Variants in SND1 observed in about 807,000 individuals in gnomAD.
SND1 encodes staphylococcal nuclease domain-containing protein 1.
In SND1, 38 loss-of-function variants were observed where a neutral mutation model predicts 121.7. That is an observed-to-expected ratio of 0.31 (90% CI 0.24 to 0.41). SND1 has a LOEUF of 0.41. Among genes scored for constraint, SND1 ranks in the 10% least tolerant of loss-of-function variants. The pLI, the probability that SND1 is intolerant of heterozygous loss-of-function variation, is 1.00. For missense variants in SND1, 868 were observed against 1,184.6 expected (o/e 0.73, Z 3.92); for synonymous variants, 401 against 447.4 (o/e 0.90, Z 1.31).
intron 1 of SND1, among the ~76,000 whole-genome samples, chr7:127,658,183 C>T (rs1289929342): frequency 1.3e-5 from 2 of 152,010 alleles, no homozygotes; most frequent in African/African-American, 2.4e-5. Flanking sequence ...GGCATGGTGG[C>T]GCGCGCCTGT....
At chr7:128,040,194 C>G (rs10236941) in intron 16 of SND1, among the ~76,000 whole-genome samples, 23 of 152,036 alleles carry the variant, frequency 1.5e-4, no homozygotes, top group Non-Finnish European at 1.6e-4. Context: ...CAGTGACTTT[C>G]TTTTCCTTTT....
Position 127,654,273 on chromosome 7 carries a change from C to T in SND1, c.78+1822C>T, listed in dbSNP as rs138663360. Among the ~76,000 whole-genome samples, 394 of 152,308 alleles carry T rather than the reference C, an allele frequency of 2.6e-3. 4 individuals are homozygous for T. The highest frequency in any genetic ancestry group is 9.3e-3 in the African/African-American group (385 of 41,562). On this transcript the variant is annotated intron_variant, in intron 1 of 23. Coordinates refer to ENST00000354725, the MANE Select transcript of SND1 (RefSeq NM_014390.4). The stretch of plus-strand genomic sequence containing the variant: ...CATGTCTTGTGCTGACTATTCTGCT[C>T]ATATTGTCTCATTTGTAATACCTAA...
intron 16 of SND1, among the ~76,000 whole-genome samples, chr7:128,044,854 C>T (rs1173564815): frequency 2.0e-5 from 3 of 152,038 alleles, no homozygotes; most frequent in Non-Finnish European, 2.9e-5. Context: ...ACTGATGGAT[C>T]GTGTTCAGTT....
At chr7:127,923,475 A>G (rs1800761558) in intron 14 of SND1, among the ~76,000 whole-genome samples, 1 of 152,168 alleles carries the variant, frequency 6.6e-6, no homozygotes, top group Non-Finnish European at 1.5e-5. Flanking sequence ...GCAGTTTCAA[A>G]TTTGAAAGTG....
intron 16 of SND1, among the ~76,000 whole-genome samples, chr7:128,019,237 G>A (rs17151668): frequency 0.21 from 31,671 of 152,080 alleles, 3,684 homozygotes; most frequent in Middle Eastern, 0.31. Context: ...CTCTCAGTCC[G>A]CCTTTTCTGT....
chr7:127,879,203 T>C (rs1584636706), intron 12 of SND1, among the ~76,000 whole-genome samples: 1 of 152,158 alleles, frequency 6.6e-6, no homozygotes, highest in Admixed American at 6.5e-5. Context: ...TTTTTGCCCT[T>C]ACCCTTTAGA....
rs1451971050 is a variant in SND1 at position 127,701,281 on chromosome 7, C to G, written c.547C>G (p.Pro183Ala). The change falls in exon 5 of 24, where the codon CCA becomes GCA. Residue 183 changes from proline to alanine, a missense_variant. This residue lies in a region of SND1 where 743 missense variants were observed against 1,071.3 expected (regional missense o/e 0.69). Transcript: ENST00000354725. The stretch of plus-strand genomic sequence containing the variant: ...GGATCTCAAGTATACCATTGAAAAC[C>G]CAAGGCACTTTGTGGACTCACACCA... ...IRDLKYTIEN[P>A]RHFVDSHHQK... The G allele has an allele frequency of 6.2e-7, 1 of 1,613,886 alleles. No homozygotes were observed. Among genetic ancestry groups the G allele is most frequent in the African/African-American group, 1.3e-5 (1 of 74,892 alleles).
At chr7:127,901,565 A>G (rs1800232292) in intron 13 of SND1, among the ~76,000 whole-genome samples, 1 of 152,108 alleles carries the variant, frequency 6.6e-6, no homozygotes, top group African/African-American at 2.4e-5. Flanking sequence ...TTTCTCACAG[A>G]TCCCTCCCAC....
intron 14 of SND1, among the ~76,000 whole-genome samples, chr7:127,917,291 A>G (rs941314375): frequency 2.0e-5 from 3 of 152,238 alleles, no homozygotes; most frequent in African/African-American, 7.2e-5. Flanking sequence ...AGCACTAACT[A>G]TATTTCTAAC....
At chr7:128,027,090 T>TA (rs1803497582) in intron 16 of SND1, 1 of 152,604 alleles carries the variant, frequency 6.6e-6, no homozygotes, top group South Asian at 2.1e-4. Context: ...CAACAATATT[T>TA]ATTAAAATAC....
chr7:127,700,629 G>C (rs938169472), intron 4 of SND1, among the ~76,000 whole-genome samples: 8 of 152,192 alleles, frequency 5.3e-5, no homozygotes, highest in African/African-American at 1.9e-4. Context: ...GAAGGAGGAG[G>C]CTTCCATTTT....
chr7:127,694,607 C>T (rs1587601545), intron 2 of SND1: 1 of 463,114 alleles, frequency 2.2e-6, no homozygotes, highest in East Asian at 3.5e-5. Context: ...TTTTTAGTGT[C>T]TGTGTTAGTT....
At chr7:127,934,967 T>C (rs532485422) in intron 15 of SND1, among the ~76,000 whole-genome samples, 1 of 152,260 alleles carries the variant, frequency 6.6e-6, no homozygotes, top group South Asian at 2.1e-4. Context: ...AGTCATGAGA[T>C]AGCATTCTTC....
At chr7:127,858,102 C>G in intron 12 of SND1, 1 of 914,966 alleles carries the variant, frequency 1.1e-6, no homozygotes, top group South Asian at 1.3e-5. Context: ...CCAGTTCCCC[C>G]TCTGCCACTT....
intron 9 of SND1, among the ~76,000 whole-genome samples, chr7:127,719,193 T>C (rs1796445454): frequency 6.6e-6 from 1 of 152,230 alleles, no homozygotes; most frequent in Non-Finnish European, 1.5e-5. Context: ...ATGTGGGATT[T>C]TGAAGGACCA....
chr7:127,712,059 G>A (rs370785111), intron 9 of SND1, among the ~76,000 whole-genome samples: 70 of 151,904 alleles, frequency 4.6e-4, no homozygotes, highest in South Asian at 1.5e-3. Flanking sequence ...GCTTTCCTCA[G>A]ATATTTGCTG....
chr7:128,083,556 T>C (rs1793641156), intron 18 of SND1, among the ~76,000 whole-genome samples: 2 of 152,258 alleles, frequency 1.3e-5, no homozygotes, highest in South Asian at 2.1e-4. Flanking sequence ...TTAAGCACCC[T>C]GCATGCATTG....
chr7:127,980,921 A>G (rs1802244201), intron 15 of SND1, among the ~76,000 whole-genome samples: 1 of 116,872 alleles, frequency 8.6e-6, no homozygotes, highest in Non-Finnish European at 2.0e-5. Context: ...ACATGGAATA[A>G]AAAAGACCAA....
intron 12 of SND1, among the ~76,000 whole-genome samples, chr7:127,851,128 C>CT (rs1296433161): frequency 1.3e-5 from 2 of 152,204 alleles, no homozygotes; most frequent in Non-Finnish European, 2.9e-5. Context: ...TTCAATTTAG[C>CT]TTTTCATAAT....
Sources: allele counts gnomAD v4.1 joint callset (sites outside exome capture counted in the v4.1 genomes callset), GRCh38; gene constraint gnomAD v4.1.1; regional missense constraint gnomAD v4.1.1; transcripts MANE v1.5; gene names NCBI Gene and HGNC (gene_info 2026-07-23, HGNC 2026-07-21).